Variants in ARMC9 observed in about 807,000 individuals in gnomAD.
ARMC9 encodes the protein armadillo repeat containing 9.
Under a neutral mutation model 107.0 loss-of-function variants are expected in ARMC9, and 94 were observed. The observed-to-expected ratio is 0.88, with a 90% CI of 0.74 to 1.04. The LOEUF (loss-of-function observed/expected upper bound fraction) is 1.04. ARMC9 is among the 50% of genes least tolerant of loss of function. ARMC9 has a pLI of 0.00. For missense variants in ARMC9, 942 were observed against 1,030.1 expected (o/e 0.91, Z 1.17); for synonymous variants, 380 against 396.9 (o/e 0.96, Z 0.51).
intron 17 of ARMC9, among the ~76,000 whole-genome samples, chr2:231,286,406 C>T (rs1198456666): frequency 2.6e-5 from 4 of 152,182 alleles, no homozygotes; most frequent in Admixed American, 1.3e-4. Flanking sequence ...TGAGCCACCG[C>T]GCCCGGTGCC....
intron 1 of ARMC9, among the ~76,000 whole-genome samples, chr2:231,203,974 CA>C (rs200938747): frequency 1.3e-5 from 2 of 149,580 alleles, no homozygotes; most frequent in Admixed American, 6.7e-5. Flanking sequence ...AACAAACAAA[CA>C]AAAAAAAACC....
At chr2:231,288,130 A>G (rs2040733880) in intron 17 of ARMC9, among the ~76,000 whole-genome samples, 1 of 152,330 alleles carries the variant, frequency 6.6e-6, no homozygotes, top group Admixed American at 6.5e-5. Flanking sequence ...TATATTTAGA[A>G]GATTGCCTAG....
intron 1 of ARMC9, among the ~76,000 whole-genome samples, chr2:231,205,827 C>T (rs1265795727): frequency 1.3e-5 from 2 of 152,194 alleles, no homozygotes; most frequent in Admixed American, 6.5e-5. Context: ...TTTTTAGAGG[C>T]TCCTTACCCT....
At chr2:231,231,228 A>G (rs972951770) in intron 7 of ARMC9, among the ~76,000 whole-genome samples, 9 of 152,182 alleles carry the variant, frequency 5.9e-5, no homozygotes, top group African/African-American at 2.2e-4. Context: ...TACTTGATTC[A>G]TCATGTACCA....
At chr2:231,368,117 C>T (rs2045886806) in intron 23 of ARMC9, among the ~76,000 whole-genome samples, 1 of 151,846 alleles carries the variant, frequency 6.6e-6, no homozygotes, top group Non-Finnish European at 1.5e-5. Flanking sequence ...CACGTTATAC[C>T]TGCATCAGAA....
chr2:231,270,526 T>C (rs2039231295), intron 12 of ARMC9: 29 of 432,102 alleles, frequency 6.7e-5, no homozygotes, highest in South Asian at 5.1e-4. Context: ...CCTCTTGCCA[T>C]GCTGCAGTCC....
Position 231,369,994 on chromosome 2 carries a change from G to A in ARMC9, c.2303G>A (p.Cys768Tyr). 1 of 1,532,864 alleles carries A rather than the reference G, an allele frequency of 6.5e-7. No homozygotes were observed. The highest frequency in any genetic ancestry group is 8.7e-7 in the Non-Finnish European group (1 of 1,144,876). 95.0% of individuals were successfully genotyped at this position (1,532,864 alleles called of 1,614,324 possible). The change falls in exon 24 of 25, where the codon TGC becomes TAC. Residue 768 changes from cysteine to tyrosine, a missense_variant. Transcript: ENST00000611582. ...TTCACCTGCAAGCCCCGGGCCCCCTGCACTCCAGAGATGCTGGACTGGAAC... is the reference window on the plus strand; with the variant it reads ...TTCACCTGCAAGCCCCGGGCCCCCTACACTCCAGAGATGCTGGACTGGAAC... Reference protein sequence around the residue: ...SAFTCKPRAPCTPEMLDWNPP... With the variant: ...SAFTCKPRAPYTPEMLDWNPP...
intron 19 of ARMC9, among the ~76,000 whole-genome samples, chr2:231,306,334 T>C (rs1396554055): frequency 6.6e-6 from 1 of 152,242 alleles, no homozygotes; most frequent in Admixed American, 6.5e-5. Context: ...AAATCTAATT[T>C]AAATACCTGA....
chr2:231,215,021 C>A lies in ARMC9; in HGVS notation c.348+20C>A. 6.2e-7 allele frequency: 1 copy of A among 1,612,330 alleles called. No individual in the cohort carries two copies. The highest frequency in any genetic ancestry group is 8.5e-7 in the Non-Finnish European group (1 of 1,178,806). On this transcript the variant is annotated intron_variant, in intron 4 of 24. Transcript: ENST00000611582. ...AGACCGGTGGGTTTACCTGGTGATG[C>A]GGGTGGGTCTGAGTGGTGTGTTAAG... is the stretch of plus-strand genomic sequence containing the variant.
At chr2:231,324,188 T>C (rs762460864) in intron 19 of ARMC9, among the ~76,000 whole-genome samples, 5 of 126,866 alleles carry the variant, frequency 3.9e-5, no homozygotes, top group South Asian at 2.6e-4. Context: ...AGTGCAGTGG[T>C]GCAATCTCGG....
At chr2:231,250,166 G>A (rs2037165817) in intron 9 of ARMC9, among the ~76,000 whole-genome samples, 6 of 152,218 alleles carry the variant, frequency 3.9e-5, no homozygotes, top group Admixed American at 3.9e-4. Flanking sequence ...TGGAGTCAGA[G>A]CCTCCGTAGC....
intron 7 of ARMC9, among the ~76,000 whole-genome samples, chr2:231,228,301 A>G (rs2034854281): frequency 6.6e-6 from 1 of 152,176 alleles, no homozygotes; most frequent in East Asian, 1.9e-4. Context: ...ATGAGCCTGC[A>G]TGGTCTGGGA....
intron 20 of ARMC9, 28 bp downstream of exon 20, chr2:231,331,925 C>T (rs2043769005): frequency 3.2e-6 from 5 of 1,571,438 alleles, no homozygotes; most frequent in Admixed American, 1.7e-5. Flanking sequence ...GGTGGGGATC[C>T]TGAAACAGAA....
In ARMC9 at chr2:231,375,585, T is replaced by C. The variant is rs73098139; in HGVS notation, c.*4050T>C. On this transcript the variant is annotated 3_prime_UTR_variant, in exon 25 of 25. Coordinates refer to ENST00000611582, the MANE Select transcript of ARMC9 (RefSeq NM_001352754.2). This position sits in a 1 kb window ranked among gnomAD's most constrained non-coding sequence, Gnocchi z 4.3. ...CTGCAGTGTGTCAGATGTGGAGACATGGTCCCACTGGCTTTCAAGTTGCCA... is the reference window on the plus strand; with the variant it reads ...CTGCAGTGTGTCAGATGTGGAGACACGGTCCCACTGGCTTTCAAGTTGCCA... Among the ~76,000 whole-genome samples, 16,940 of 152,270 alleles carry C rather than the reference T, an allele frequency of 0.11. 3,112 individuals carry two copies. The highest frequency in any genetic ancestry group is 0.38 in the African/African-American group (15,875 of 41,510).
chr2:231,261,670 C>T (rs956605653), intron 11 of ARMC9, among the ~76,000 whole-genome samples: 5 of 152,210 alleles, frequency 3.3e-5, no homozygotes, highest in African/African-American at 9.7e-5. Flanking sequence ...CAGGGACCAG[C>T]TCCTGAGCCC....
intron 17 of ARMC9, among the ~76,000 whole-genome samples, chr2:231,286,742 T>G (rs190357560): frequency 1.3e-3 from 194 of 152,338 alleles, no homozygotes; most frequent in African/African-American, 4.4e-3. Flanking sequence ...TAATGAGAGA[T>G]AAAAGCACAG....
intron 2 of ARMC9, 80 bp from the exon 3 acceptor site, chr2:231,208,047 T>A: frequency 3.0e-6 from 2 of 676,590 alleles, no homozygotes; most frequent in Non-Finnish European, 2.5e-6. Flanking sequence ...TGGATAAATA[T>A]CTATTCAGAT....
intron 5 of ARMC9, among the ~76,000 whole-genome samples, chr2:231,222,395 A>C (rs1441873609): frequency 1.3e-5 from 2 of 152,170 alleles, no homozygotes; most frequent in African/African-American, 4.8e-5. Context: ...GTGCGTGCCT[A>C]GACTGTACTG....
intron 9 of ARMC9, among the ~76,000 whole-genome samples, chr2:231,244,364 CTT>C (rs780440851): frequency 2.7e-4 from 35 of 129,856 alleles, no homozygotes; most frequent in Admixed American, 3.2e-4. Context: ...GAATGTGGAT[CTT>C]TTTTTTTTTT....
Sources: gnomAD v4.1 joint callset for allele counts (sites outside exome capture counted in the v4.1 genomes callset) on GRCh38, gnomAD v4.1.1 for gene constraint, Gnocchi (gnomAD v3.1) non-coding constraint, MANE v1.5 for transcripts, NCBI Gene and HGNC (gene_info 2026-07-23, HGNC 2026-07-21) for gene names.